Variants in FRMD4A observed in about 807,000 individuals in gnomAD.
The protein encoded by FRMD4A is FERM domain containing 4A.
Under a neutral mutation model 129.1 loss-of-function variants are expected in FRMD4A, and 29 were observed. The ratio of observed to expected loss-of-function variants is 0.22; its 90% CI spans 0.17 to 0.31. FRMD4A has a LOEUF of 0.31. Among genes scored for constraint, FRMD4A ranks in the 10% least tolerant of loss-of-function variants. The pLI is 1.00. For synonymous variants in FRMD4A, 634 were observed against 571.6 expected (o/e 1.11, Z -1.56); for missense variants, 1,272 against 1,375.8 (o/e 0.92, Z 1.19).
chr10:13,885,320 C>T (rs1182180110), intron 2 of FRMD4A, among the ~76,000 whole-genome samples: 4 of 152,154 alleles, frequency 2.6e-5, no homozygotes, highest in African/African-American at 9.7e-5. Flanking sequence ...GCAACCAAGG[C>T]TCAGAGAGAC....
intron 2 of FRMD4A, among the ~76,000 whole-genome samples, chr10:14,032,139 C>T (rs1436292678): frequency 1.3e-5 from 2 of 152,066 alleles, no homozygotes; most frequent in African/African-American, 4.8e-5. Context: ...CCTTACTGTC[C>T]TCAAATAAAA....
chr10:13,820,382 G>A (rs1270140233), intron 3 of FRMD4A, among the ~76,000 whole-genome samples: 2 of 152,140 alleles, frequency 1.3e-5, no homozygotes, highest in Non-Finnish European at 2.9e-5. Context: ...TGTCCCTGTG[G>A]CACTCTGGGC....
rs759278548 is a variant in FRMD4A, at chr10:14,174,869, GTGTGTGTGTC to G, written c.45+155179_45+155188del. Among the ~76,000 whole-genome samples, 340 of 38,012 alleles carry G rather than the reference GTGTGTGTGTC, an allele frequency of 8.9e-3. 5 individuals carry two copies. Among genetic ancestry groups the G allele is most frequent in the South Asian group, 0.044 (30 of 680 alleles). 24.9% of individuals were successfully genotyped at this position (38,012 alleles called of 152,430 possible). A position where few individuals can be genotyped will look rare whatever the true frequency, so the allele number is the denominator to read the frequency against. On this transcript the variant is annotated intron_variant, in intron 2 of 24. Transcript: ENST00000357447. ...ATAGTTGAGTATTAAAAAAAAAAGT[GTGTGTGTGTC>G]TGTGTGTGTGTGTGTGTGTGTGTGT...
At chr10:13,770,143 A>G (rs11593273) in intron 6 of FRMD4A, among the ~76,000 whole-genome samples, 26,582 of 152,244 alleles carry the variant, frequency 0.17, 3,015 homozygotes, top group Non-Finnish European at 0.25. Flanking sequence ...TCTATGCCTC[A>G]TTGCACAACT....
intron 3 of FRMD4A, among the ~76,000 whole-genome samples, chr10:13,817,546 C>T (rs1222227164): frequency 6.6e-6 from 1 of 152,176 alleles, no homozygotes; most frequent in Non-Finnish European, 1.5e-5. Context: ...AGGGCGAGGC[C>T]AGGTGGAGAT....
intron 2 of FRMD4A, among the ~76,000 whole-genome samples, chr10:14,048,363 G>A (rs998253725): frequency 5.3e-5 from 8 of 152,150 alleles, no homozygotes; most frequent in East Asian, 1.9e-4. Context: ...ATAGCACGTC[G>A]TCTCATTTTG....
chr10:13,828,303 T>A lies in FRMD4A; in HGVS notation c.112-17395A>T, dbSNP rs113298603. Among the ~76,000 whole-genome samples, 284 of 152,244 alleles carry A rather than the reference T, an allele frequency of 1.9e-3. 1 individual carries two copies. The highest frequency in any genetic ancestry group is 6.6e-3 in the African/African-American group (276 of 41,568). Reference sequence around the variant, plus strand: ...GTTGTACCCATTAGGTCATTTCTCATCCCTCACCCCCTCCCACACTTTCAT... The same window carrying A: ...GTTGTACCCATTAGGTCATTTCTCAACCCTCACCCCCTCCCACACTTTCAT... On this transcript the variant is annotated intron_variant, in intron 3 of 24. Transcript: ENST00000357447.
chr10:13,901,944 T>C (rs2094824542), intron 2 of FRMD4A, among the ~76,000 whole-genome samples: 1 of 152,174 alleles, frequency 6.6e-6, no homozygotes, highest in African/African-American at 2.4e-5. Context: ...TAATAAATAA[T>C]AATATGGTTC....
rs573723501 is a variant in FRMD4A at position 14,168,365 on chromosome 10, G to T, written c.45+161693C>A. ...AAAGTTGTTATTCTCTAATTGACAG[G>T]ATACCTTTTGGATTTGCTGAATCCA... On this transcript the variant is annotated intron_variant, in intron 2 of 24. Coordinates refer to ENST00000357447, the MANE Select transcript of FRMD4A (RefSeq NM_018027.5). 4.6e-5 allele frequency among the ~76,000 whole-genome samples: 7 copies of T among 152,292 alleles called. No individual in the cohort carries two copies. The South Asian group carries it at 1.5e-3, about 32-fold the overall frequency.
chr10:13,831,910 A>G (rs112003851), intron 3 of FRMD4A, among the ~76,000 whole-genome samples: 7 of 151,620 alleles, frequency 4.6e-5, no homozygotes, highest in African/African-American at 1.7e-4. Context: ...CTCTATCAGA[A>G]TTCATCCAGG....
At chr10:14,224,809 G>A (rs781270777) in intron 2 of FRMD4A, among the ~76,000 whole-genome samples, 2 of 152,168 alleles carry the variant, frequency 1.3e-5, no homozygotes, top group Non-Finnish European at 2.9e-5. Context: ...TGAAGCTATG[G>A]GGAGACAGGC....
At chr10:14,299,289 C>T (rs899351315) in intron 2 of FRMD4A, among the ~76,000 whole-genome samples, 2 of 152,190 alleles carry the variant, frequency 1.3e-5, no homozygotes, top group Non-Finnish European at 2.9e-5. Context: ...GGCTGCAAAA[C>T]CTTACCCCAA....
chr10:14,228,678 C>T (rs1458584409), intron 2 of FRMD4A, among the ~76,000 whole-genome samples: 1 of 151,960 alleles, frequency 6.6e-6, no homozygotes, highest in Admixed American at 6.6e-5. Flanking sequence ...ACCAACCCAA[C>T]AGGAGATTCA....
At chr10:13,857,722 A>G (rs2131034309) in intron 3 of FRMD4A, among the ~76,000 whole-genome samples, 1 of 152,328 alleles carries the variant, frequency 6.6e-6, no homozygotes, top group South Asian at 2.1e-4. Context: ...CAGCTTCCTC[A>G]CAACAAAATG....
At chr10:13,963,855 T>TA (rs1356624692) in intron 2 of FRMD4A, among the ~76,000 whole-genome samples, 1 of 152,178 alleles carries the variant, frequency 6.6e-6, no homozygotes. Context: ...CAGCCAGTGT[T>TA]AGAGCATTAG....
At chr10:14,098,811 C>G (rs981079652) in intron 2 of FRMD4A, among the ~76,000 whole-genome samples, 8 of 152,174 alleles carry the variant, frequency 5.3e-5, no homozygotes, top group African/African-American at 1.7e-4. Flanking sequence ...CTGAGACCTT[C>G]GCTCACACCA....
intron 2 of FRMD4A, among the ~76,000 whole-genome samples, chr10:14,243,128 TCTGAC>T (rs1222903522): frequency 6.6e-6 from 1 of 152,170 alleles, no homozygotes; most frequent in Admixed American, 6.5e-5. Flanking sequence ...GGAAGGAAAT[TCTGAC>T]CTATGCTACA....
intron 2 of FRMD4A, among the ~76,000 whole-genome samples, chr10:14,310,809 T>C (rs2480547): frequency 0.86 from 131,200 of 152,080 alleles, 56,748 homozygotes; most frequent in Non-Finnish European, 0.88. Context: ...AGCTATAGAA[T>C]CCCTTGCATT....
chr10:13,843,979 T>A (rs1024283249), intron 3 of FRMD4A, among the ~76,000 whole-genome samples: 1 of 152,172 alleles, frequency 6.6e-6, no homozygotes, highest in Non-Finnish European at 1.5e-5. Flanking sequence ...AAGATTATAA[T>A]TTTTTTCTTG....
Sources: gnomAD v4.1 joint callset for allele counts (sites outside exome capture counted in the v4.1 genomes callset) on GRCh38, gnomAD v4.1.1 for gene constraint, MANE v1.5 for transcripts, NCBI Gene and HGNC (gene_info 2026-07-23, HGNC 2026-07-21) for gene names.